NBAS: variants seen among roughly 807,000 people sequenced by gnomAD.
NBAS encodes NAG/BC035112 fusion.
NBAS carries 219 observed loss-of-function variants against 302.5 expected under a neutral mutation model. The observed-to-expected ratio is 0.72, with a 90% CI of 0.65 to 0.81. The LOEUF is 0.81. NBAS is among the 30% of genes least tolerant of loss of function. The pLI, the probability that NBAS is intolerant of heterozygous loss-of-function variation, is 0.00. For missense variants in NBAS, 2,932 were observed against 2,841.6 expected, an observed-to-expected ratio of 1.03 and a Z score of -0.72; for synonymous variants, 1,118 against 1,021.6, an observed-to-expected ratio of 1.09 and a Z score of -1.80.
At chr2:15,064,338 T>C in the NBAS span, among the ~76,000 whole-genome samples, 34 of 145,112 alleles carry the variant, frequency 2.3e-4, no homozygotes, top group Non-Finnish European at 4.4e-4. Context: ...CGAGGAGACA[T>C]TACAACTAAT....
chr2:14,993,571 AAT>A, the NBAS span, among the ~76,000 whole-genome samples: 1 of 152,232 alleles, frequency 6.6e-6, no homozygotes, highest in East Asian at 1.9e-4. Flanking sequence ...TGGTCCAAAT[AAT>A]TTTGAATCAC....
Position 15,234,602 on chromosome 2 carries a change from T to A in NBAS, c.6089A>T (p.Asp2030Val), listed in dbSNP as rs1409446954. Residue 2030 changes from aspartate (D) to valine (V), a missense_variant, in exon 46 of 52, where the codon GAC becomes GTC. Coordinates refer to ENST00000281513, the MANE Select transcript of NBAS (RefSeq NM_015909.4). ...CTGCACTATATCCTTGGGTGAGATG[T>A]CAAGAGGGCCAACTGCCACCTCTAG... The part of the protein sequence containing the change: ...QLLEVAVGPL[D>V]ISPKDIVQSA... The A allele has an allele frequency of 1.9e-6, 3 of 1,614,050 alleles. No individual in the cohort carries two copies. Among genetic ancestry groups the A allele is most frequent in the South Asian group, 2.2e-5 (2 of 91,090 alleles).
chr2:15,293,474 A>G (rs1336680141), intron 40 of NBAS, among the ~76,000 whole-genome samples: 2 of 152,168 alleles, frequency 1.3e-5, no homozygotes, highest in Non-Finnish European at 2.9e-5. Context: ...AAAGGAGAGT[A>G]AGTGATTAAC....
chr2:15,516,795 A>C (rs1433227782), intron 9 of NBAS, among the ~76,000 whole-genome samples: 1 of 152,152 alleles, frequency 6.6e-6, no homozygotes, highest in Non-Finnish European at 1.5e-5. Flanking sequence ...ATTAGTAGGC[A>C]GAATTTATAA....
chr2:15,127,761 G>A, the NBAS span, among the ~76,000 whole-genome samples: 1 of 152,120 alleles, frequency 6.6e-6, no homozygotes, highest in Non-Finnish European at 1.5e-5. Context: ...GATCGTAAAT[G>A]TGGTGCTGAA....
rs187752880 is a variant in NBAS, at chr2:15,258,641, G to A, written c.5724+16843C>T. ...AGGCTTACTAGGATTGGGGAACCTC[G>A]CCCTGGTAAATTTGAGGTCAGACCA... On this transcript the variant is annotated intron_variant, in intron 44 of 51. Transcript: ENST00000281513. Among the ~76,000 whole-genome samples the A allele has an allele frequency of 3.9e-4, 60 of 152,180 alleles. 1 individual carries two copies. The highest frequency in any genetic ancestry group is 1.4e-3 in the African/African-American group (57 of 41,520).
At chr2:14,963,755 T>C in the NBAS span, among the ~76,000 whole-genome samples, 1 of 152,242 alleles carries the variant, frequency 6.6e-6, no homozygotes, top group Non-Finnish European at 1.5e-5. Context: ...TCCTGGAAGC[T>C]TGAGCCCAAT....
intron 47 of NBAS, among the ~76,000 whole-genome samples, chr2:15,225,505 T>C (rs1434542287): frequency 6.6e-6 from 1 of 151,710 alleles, no homozygotes; most frequent in Admixed American, 6.6e-5. Context: ...GGCCGTTCTT[T>C]CTTCTCTTTT....
intron 48 of NBAS, among the ~76,000 whole-genome samples, chr2:15,217,496 A>T (rs1310503990): frequency 3.3e-5 from 5 of 152,244 alleles, no homozygotes; most frequent in African/African-American, 1.2e-4. Context: ...TGTAGTAATA[A>T]CCATATAAAT....
At chr2:15,088,995 T>C in the NBAS span, among the ~76,000 whole-genome samples, 1 of 152,072 alleles carries the variant, frequency 6.6e-6, no homozygotes, top group Admixed American at 6.6e-5. Flanking sequence ...TGATACCCCA[T>C]CCCTGCAGCC....
At chr2:15,227,173 TAAAATC>T (rs762975381) in intron 47 of NBAS, among the ~76,000 whole-genome samples, 17 of 152,096 alleles carry the variant, frequency 1.1e-4, no homozygotes, top group Non-Finnish European at 2.4e-4. Flanking sequence ...GCTGCAGATA[TAAAATC>T]AACATACAAA....
the NBAS span, among the ~76,000 whole-genome samples, chr2:14,816,742 G>A: frequency 9.9e-5 from 15 of 152,276 alleles, no homozygotes; most frequent in South Asian, 1.0e-3. Flanking sequence ...GCTTTACCTC[G>A]TGTCTGTCTT....
chr2:15,407,278 A>C (rs1204111714), intron 25 of NBAS, among the ~76,000 whole-genome samples: 1 of 152,158 alleles, frequency 6.6e-6, no homozygotes, highest in Non-Finnish European at 1.5e-5. Flanking sequence ...AGACCAAGAG[A>C]AAGTGCACAG....
the NBAS span, among the ~76,000 whole-genome samples, chr2:14,808,107 T>G: frequency 1.3e-5 from 2 of 152,200 alleles, no homozygotes; most frequent in Admixed American, 1.3e-4. Flanking sequence ...TTTTTGTGCA[T>G]CTACTTTGTG....
At chr2:15,054,347 G>C in the NBAS span, among the ~76,000 whole-genome samples, 5 of 152,214 alleles carry the variant, frequency 3.3e-5, no homozygotes, top group Admixed American at 1.3e-4. Flanking sequence ...GAGTAGACTT[G>C]AGTTTAAGCA....
the NBAS span, among the ~76,000 whole-genome samples, chr2:14,872,524 G>A: frequency 1.2e-4 from 18 of 152,194 alleles, no homozygotes; most frequent in Admixed American, 9.2e-4. Flanking sequence ...GACTTCAAGA[G>A]AGTTTGTTCC....
chr2:14,812,463 A>G, the NBAS span, among the ~76,000 whole-genome samples: 1 of 152,188 alleles, frequency 6.6e-6, no homozygotes, highest in Non-Finnish European at 1.5e-5. Flanking sequence ...AACACCCTGT[A>G]CATTTCCCAG....
chr2:15,344,308 A>C (rs1181349011), intron 35 of NBAS, among the ~76,000 whole-genome samples: 1 of 152,126 alleles, frequency 6.6e-6, no homozygotes, highest in Non-Finnish European at 1.5e-5. Flanking sequence ...AGACACAATA[A>C]AAAATGATAA....
chr2:15,291,145 C>T (rs547051426), intron 41 of NBAS, among the ~76,000 whole-genome samples: 1 of 152,344 alleles, frequency 6.6e-6, no homozygotes, highest in Admixed American at 6.5e-5. Context: ...ATCACATCCA[C>T]TGCTTTTTTG....
Sources: allele counts gnomAD v4.1 joint callset (sites outside exome capture counted in the v4.1 genomes callset), GRCh38; gene constraint gnomAD v4.1.1; transcripts MANE v1.5; gene names NCBI Gene and HGNC (gene_info 2026-07-23, HGNC 2026-07-21).